The following LPIN3 variants were observed in gnomAD, a reference collection of about 807,000 sequenced individuals.
LPIN3 encodes lipin 3.
A neutral mutation model predicts 94.7 loss-of-function variants in LPIN3; 82 were observed. That is an observed-to-expected ratio of 0.87 (90% CI 0.72 to 1.04). The LOEUF (loss-of-function observed/expected upper bound fraction) is 1.04, where lower values mean the gene tolerates loss of function less well. Among genes scored for constraint, LPIN3 ranks in the 50% least tolerant of loss-of-function variants. LPIN3 has a pLI of 0.00. For synonymous variants in LPIN3, 418 were observed against 443.3 expected, an observed-to-expected ratio of 0.94 and a Z score of 0.72; for missense variants, 996 against 1,090.5, an observed-to-expected ratio of 0.91 and a Z score of 1.22.
At position 41,359,120 on chromosome 20, in the gene LPIN3, GTTCT is replaced by G. The variant is rs1405751438; in HGVS notation, c.*257_*260del. The G allele has an allele frequency of 2.9e-5, 7 of 240,630 alleles. No individual in the cohort carries two copies. The highest frequency in any genetic ancestry group is 5.0e-5 in the African/African-American group (2 of 40,152). 14.9% of individuals were successfully genotyped at this position (240,630 alleles called of 1,614,324 possible). On this transcript the variant is annotated 3_prime_UTR_variant, in exon 20 of 20. Coordinates refer to ENST00000373257, the MANE Select transcript of LPIN3 (RefSeq NM_022896.3). The stretch of plus-strand genomic sequence containing the variant: ...AGCTTGTCATCTGGGCCCTTGCAGG[GTTCT>G]TTTTTTTTTTTTTTTTTTTTTTTTC...
intron 3 of LPIN3, among the ~76,000 whole-genome samples, 172 bp from the exon 4 acceptor site, chr20:41,348,447 C>T (rs1008199887): frequency 2.6e-5 from 4 of 152,164 alleles, no homozygotes; most frequent in African/African-American, 9.7e-5. Context: ...TGTTGGGGAC[C>T]TCTGAGGCCA....
At position 41,350,358 on chromosome 20, in the gene LPIN3, GT is replaced by G; in HGVS notation, c.1065del (p.Thr357ProfsTer63). ...GAGCTGGGCCACTCTGGAGGTTCCA[GT>G]TCCCACCGGGCAGCCAGAGAGGGTC... is the stretch of plus-strand genomic sequence containing the variant. ...SWSWATLEVP[V>X]PTGQPERVSR... On this transcript the variant is annotated frameshift_variant, in exon 7 of 20. Transcript: ENST00000373257. LOFTEE classifies it high-confidence loss of function. 1 of 1,591,268 alleles carries G rather than the reference GT, an allele frequency of 6.3e-7. No homozygotes were observed. The highest frequency in any genetic ancestry group is 8.6e-7 in the Non-Finnish European group (1 of 1,164,220).
Position 41,357,991 on chromosome 20 carries a change from C to A in LPIN3, c.2149C>A (p.Pro717Thr), listed in dbSNP as rs765297193. ...SEGGCSLPKG[P>T]ILLSPSSLFS... is the part of the protein sequence containing the mutation. ...GGGGGGCTGTAGCCTCCCCAAGGGC[C>A]CCATCCTTCTGTCTCCCAGCAGCCT... Residue 717 changes from proline (P) to threonine (T), a missense_variant, in exon 17 of 20, where the codon CCC becomes ACC. Coordinates refer to ENST00000373257, the MANE Select transcript of LPIN3 (RefSeq NM_022896.3). 6.2e-7 allele frequency: 1 copy of A among 1,612,024 alleles called. No homozygotes were observed. The highest frequency in any genetic ancestry group is 8.5e-7 in the Non-Finnish European group (1 of 1,179,134).
At chr20:41,350,807 A>G (rs2045980593) in intron 7 of LPIN3, among the ~76,000 whole-genome samples, 1 of 152,202 alleles carries the variant, frequency 6.6e-6, no homozygotes, top group Non-Finnish European at 1.5e-5. Flanking sequence ...TGAGCAAGAA[A>G]TGGAAGACGG....
intron 1 of LPIN3, among the ~76,000 whole-genome samples, chr20:41,341,940 G>A (rs1043182400): frequency 2.6e-5 from 4 of 152,162 alleles, no homozygotes; most frequent in East Asian, 1.9e-4. Flanking sequence ...TCATGCCACC[G>A]CACTCCAGTC....
intron 16 of LPIN3, 107 bp downstream of exon 16, chr20:41,357,554 C>T (rs923757708): frequency 1.3e-5 from 13 of 999,434 alleles, no homozygotes; most frequent in Non-Finnish European, 1.9e-5. Context: ...AGGCAGGCTG[C>T]CAGGGCAGGT....
chr20:41,358,276 C>T lies in LPIN3; in HGVS notation c.2232C>T (p.Ala744=), dbSNP rs764254283. The change falls in exon 18 of 20, where the codon GCC becomes GCT. Residue 744 remains alanine, a synonymous_variant. Transcript: ENST00000373257. ...IEKKPEVFKV[A]CLSDIQQLFL... ...AGAAACCAGAGGTGTTCAAGGTCGC[C>T]TGCCTGAGTGACATCCAGCAGCTGT... is the stretch of plus-strand genomic sequence containing the variant. 49 of 1,614,052 alleles carry T rather than the reference C, an allele frequency of 3.0e-5. No individual in the cohort carries two copies. Among genetic ancestry groups the T allele is most frequent in the Non-Finnish European group, 4.1e-5 (48 of 1,180,046 alleles).
rs2045550786 is a variant in LPIN3 at position 41,340,860 on chromosome 20, G to C, written c.-151G>C. On this transcript the variant is annotated 5_prime_UTR_variant, in exon 1 of 20. Transcript: ENST00000373257. ...GGAGGCCGCACTAGGATCGTAGAAG[G>C]AGTGGAGCCGTGCTCTCACCCTGTC... is the stretch of plus-strand genomic sequence containing the variant. 1.3e-5 allele frequency: 2 copies of C among 152,380 alleles called. No homozygotes were observed. The highest frequency in any genetic ancestry group is 2.9e-5 in the Non-Finnish European group (2 of 68,170). 9.4% of individuals were successfully genotyped at this position (152,380 alleles called of 1,614,324 possible).
At position 41,345,778 on chromosome 20, in the gene LPIN3, A is replaced by G. The variant is rs990029827; in HGVS notation, c.-8-18A>G. On this transcript the variant is annotated intron_variant, in intron 1 of 19. Coordinates refer to ENST00000373257, the MANE Select transcript of LPIN3 (RefSeq NM_022896.3). ...GCTGGAGCAGACCTTTGTGCAAGCC[A>G]CTGCCTTTCTTTGCCAGCACCAGCC... The G allele has an allele frequency of 4.2e-5, 67 of 1,597,336 alleles. No homozygotes were observed. Among genetic ancestry groups the G allele is most frequent in the Middle Eastern group, 1.7e-4 (1 of 6,018 alleles).
intron 2 of LPIN3, among the ~76,000 whole-genome samples, chr20:41,346,587 A>G (rs1448104281): frequency 6.6e-6 from 1 of 152,152 alleles, no homozygotes; most frequent in African/African-American, 2.4e-5. Flanking sequence ...CCAAAAATAG[A>G]AAAATTAGCC....
chr20:41,354,877 C>G lies in LPIN3; in HGVS notation c.1664+14C>G, dbSNP rs1318831052. On this transcript the variant is annotated intron_variant, in intron 13 of 19. Coordinates refer to ENST00000373257, the MANE Select transcript of LPIN3 (RefSeq NM_022896.3). ...GGAGCAGCAGGGGTGAGTGAGACCC[C>G]CTATTGGGGCTCTGCAGGGGGAGCC... 1.3e-6 allele frequency: 2 copies of G among 1,553,370 alleles called. No individual in the cohort carries two copies. The highest frequency in any genetic ancestry group is 2.4e-5 in the South Asian group (2 of 84,494).
chr20:41,355,496 A>C (rs2046177429), intron 13 of LPIN3, among the ~76,000 whole-genome samples: 1 of 152,184 alleles, frequency 6.6e-6, no homozygotes, highest in Non-Finnish European at 1.5e-5. Flanking sequence ...CAAATAAGCC[A>C]GCTGACTTTG....
chr20:41,354,130 T>A (rs960002495), intron 11 of LPIN3, among the ~76,000 whole-genome samples: 1 of 152,138 alleles, frequency 6.6e-6, no homozygotes, highest in Non-Finnish European at 1.5e-5. Flanking sequence ...TAATCAGCAT[T>A]TTTTCACAAG....
chr20:41,357,500 G>C (rs1398067861), intron 16 of LPIN3, 53 bp downstream of exon 16: 5 of 1,473,430 alleles, frequency 3.4e-6, no homozygotes, highest in Non-Finnish European at 4.7e-6. Flanking sequence ...GCTCTAGAGA[G>C]GGAGTGACAG....
chr20:41,346,789 T>G (rs2045795929), intron 2 of LPIN3, among the ~76,000 whole-genome samples: 1 of 152,194 alleles, frequency 6.6e-6, no homozygotes, highest in African/African-American at 2.4e-5. Context: ...CCATTCCACC[T>G]TCACAGGGCT....
intron 6 of LPIN3, 69 bp from the exon 7 acceptor site, chr20:41,349,986 T>TGCCCCAAAA: frequency 6.4e-7 from 1 of 1,559,222 alleles, no homozygotes; most frequent in Non-Finnish European, 8.7e-7. Flanking sequence ...CTCGGGCCAC[T>TGCCCCAAAA]GCCCCAAAAG....
At chr20:41,356,658 T>C (rs987035177) in intron 14 of LPIN3, among the ~76,000 whole-genome samples, 2 of 152,144 alleles carry the variant, frequency 1.3e-5, no homozygotes, top group Admixed American at 1.3e-4. Flanking sequence ...AGGAGGGGCT[T>C]CCTATGGAGA....
chr20:41,350,612 T>G (rs2045973613), intron 7 of LPIN3, among the ~76,000 whole-genome samples: 1 of 151,952 alleles, frequency 6.6e-6, no homozygotes, highest in Non-Finnish European at 1.5e-5. Flanking sequence ...TGGGAGCTGT[T>G]TAAACCAGGT....
In LPIN3 at chr20:41,345,907, TG is replaced by T. The variant is rs770772409; in HGVS notation, c.106del (p.Val36Ter). ...ATLSGGIDVL[V>X]VKQVDGSFRC... ...CTGAGCGGCGGCATTGACGTGCTGG[TG>T]GTGAAGCAGGTGGACGGCTCGTTCC... On this transcript the variant is annotated frameshift_variant, in exon 2 of 20. Transcript: ENST00000373257. LOFTEE classifies it high-confidence loss of function. The T allele has an allele frequency of 6.2e-7, 1 of 1,614,114 alleles. No homozygotes were observed. The highest frequency in any genetic ancestry group is 8.5e-7 in the Non-Finnish European group (1 of 1,180,032).
Sources: gnomAD v4.1 joint callset for allele counts (sites outside exome capture counted in the v4.1 genomes callset) on GRCh38, gnomAD v4.1.1 for gene constraint, MANE v1.5 for transcripts, NCBI Gene and HGNC (gene_info 2026-07-23, HGNC 2026-07-21) for gene names.